The following IPO11 variants were observed in gnomAD, a reference collection of about 807,000 sequenced individuals.
The protein encoded by IPO11 is importin 11, also known as importin-11.
IPO11 carries 66 observed loss-of-function variants against 143.2 expected under a neutral mutation model. The observed-to-expected ratio is 0.46, with a 90% CI of 0.38 to 0.57. The LOEUF (loss-of-function observed/expected upper bound fraction) is 0.57, where lower values mean the gene tolerates loss of function less well. IPO11 is among the 20% of genes least tolerant of loss of function. The pLI is 0.00. For synonymous variants in IPO11, 385 were observed against 377.8 expected (o/e 1.02, Z -0.22); for missense variants, 1,026 against 1,141.0 (o/e 0.90, Z 1.45).
At chr5:62,573,152 G>A (rs571796508) in intron 27 of IPO11, among the ~76,000 whole-genome samples, 7 of 152,026 alleles carry the variant, frequency 4.6e-5, no homozygotes, top group Non-Finnish European at 1.0e-4. Context: ...CTTGTAGCTG[G>A]GACTACAGGT....
At chr5:62,481,400 C>T (rs935257228) in intron 9 of IPO11, among the ~76,000 whole-genome samples, 1 of 152,122 alleles carries the variant, frequency 6.6e-6, no homozygotes, top group African/African-American at 2.4e-5. Flanking sequence ...GTGAGTTTGT[C>T]ATAAATAGCA....
chr5:62,607,853 GTGCTATCTCAGCTCACTGCAACC>G (rs1276107040), intron 29 of IPO11, among the ~76,000 whole-genome samples: 45 of 151,148 alleles, frequency 3.0e-4, no homozygotes, highest in African/African-American at 1.0e-3. Flanking sequence ...GAGTGCAGTG[GTGCTATCTCAGCTCACTGCAACC>G]TGCTATCTCA....
intron 27 of IPO11, among the ~76,000 whole-genome samples, chr5:62,582,909 TGA>T (rs907004713): frequency 3.6e-4 from 55 of 152,308 alleles, no homozygotes; most frequent in Non-Finnish European, 6.8e-4. Flanking sequence ...TTAATATATT[TGA>T]GAGAAAATCA....
At chr5:62,570,523 T>C (rs1396891536) in intron 27 of IPO11, among the ~76,000 whole-genome samples, 1 of 152,216 alleles carries the variant, frequency 6.6e-6, no homozygotes, top group African/African-American at 2.4e-5. Context: ...AAAGATGCTA[T>C]TATGTGGTAG....
chr5:62,582,855 G>A (rs1744619902), intron 27 of IPO11, among the ~76,000 whole-genome samples: 1 of 152,146 alleles, frequency 6.6e-6, no homozygotes, highest in Admixed American at 6.6e-5. Context: ...TTGTTGGTTA[G>A]TTAATAGTGA....
intron 1 of IPO11, among the ~76,000 whole-genome samples, chr5:62,426,931 GTTTTTT>G (rs763031944): frequency 3.3e-5 from 3 of 90,244 alleles, no homozygotes; most frequent in East Asian, 3.4e-4. Context: ...TTTTCTTTCT[GTTTTTT>G]TTTTTTTTTT....
At chr5:62,481,339 G>A (rs1260962880) in intron 9 of IPO11, among the ~76,000 whole-genome samples, 1 of 152,110 alleles carries the variant, frequency 6.6e-6, no homozygotes, top group Non-Finnish European at 1.5e-5. Flanking sequence ...TCTTGTGCCA[G>A]TTTTCAAAGG....
At chr5:62,480,203 C>A (rs544788778) in intron 9 of IPO11, among the ~76,000 whole-genome samples, 1 of 152,172 alleles carries the variant, frequency 6.6e-6, no homozygotes, top group Non-Finnish European at 1.5e-5. Flanking sequence ...GGAATCCTTT[C>A]GCCATTTCTT....
At chr5:62,506,670 C>G (rs561301150) in intron 19 of IPO11, among the ~76,000 whole-genome samples, 7 of 152,236 alleles carry the variant, frequency 4.6e-5, no homozygotes, top group Non-Finnish European at 8.8e-5. Context: ...AAGTGTCCAT[C>G]AGCAAGACTT....
At chr5:62,530,628 A>G in intron 21 of IPO11, 81 bp from the exon 22 acceptor site, 1 of 780,470 alleles carries the variant, frequency 1.3e-6, no homozygotes, top group Non-Finnish European at 2.2e-6. Context: ...TTTAAATGAG[A>G]CCTTTTAAAA....
chr5:62,534,940 A>G (rs1226817295), intron 22 of IPO11, among the ~76,000 whole-genome samples: 1 of 151,986 alleles, frequency 6.6e-6, no homozygotes, highest in African/African-American at 2.4e-5. Context: ...CTCACTAGGA[A>G]CTTGTGGATG....
intron 27 of IPO11, among the ~76,000 whole-genome samples, chr5:62,583,165 T>G (rs192676386): frequency 1.8e-4 from 28 of 152,304 alleles, no homozygotes; most frequent in Admixed American, 1.4e-3. Flanking sequence ...AATAATGTAT[T>G]TTTTTCTTTG....
intron 1 of IPO11, among the ~76,000 whole-genome samples, chr5:62,416,715 C>CTTTTTTTTTTTTTT (rs11295932): frequency 1.4e-5 from 2 of 144,138 alleles, no homozygotes; most frequent in Non-Finnish European, 1.5e-5. Context: ...CTCTTATTAT[C>CTTTTTTTTTTTTTT]TTTTTTTTTT....
At chr5:62,493,883 T>TA (rs1023282112) in intron 15 of IPO11, 115 bp from the exon 16 acceptor site, 4 of 976,384 alleles carry the variant, frequency 4.1e-6, no homozygotes, top group African/African-American at 1.7e-5. Context: ...GCTTTTATAT[T>TA]AAAAATGCAG....
chr5:62,430,148 G>T (rs1234482577), intron 1 of IPO11, among the ~76,000 whole-genome samples: 1 of 152,126 alleles, frequency 6.6e-6, no homozygotes, highest in Non-Finnish European at 1.5e-5. Flanking sequence ...GTGAATATCT[G>T]TATACGAGTT....
At chr5:62,576,142 G>A (rs1447451707) in intron 27 of IPO11, 2 of 155,646 alleles carry the variant, frequency 1.3e-5, no homozygotes, top group Non-Finnish European at 2.9e-5. Context: ...CACATTTATT[G>A]CCCAAATAGA....
chr5:62,601,026 A>G (rs1745487900), intron 28 of IPO11, among the ~76,000 whole-genome samples: 1 of 152,256 alleles, frequency 6.6e-6, no homozygotes, highest in East Asian at 1.9e-4. Context: ...GAGAACCCAA[A>G]CTTTCTTTGC....
chr5:62,488,181 C>T (rs1420073702), intron 13 of IPO11, among the ~76,000 whole-genome samples: 1 of 152,186 alleles, frequency 6.6e-6, no homozygotes, highest in African/African-American at 2.4e-5. Flanking sequence ...TAGTGTTAGC[C>T]TCTCTTAGAA....
chr5:62,459,095 C>CT (rs1331227697), intron 5 of IPO11, among the ~76,000 whole-genome samples: 30 of 148,072 alleles, frequency 2.0e-4, no homozygotes, highest in Middle Eastern at 3.5e-3. Context: ...TAGTTTTACT[C>CT]TTTTTTTTTT....
Sources: allele counts gnomAD v4.1 joint callset (sites outside exome capture counted in the v4.1 genomes callset), GRCh38; gene constraint gnomAD v4.1.1; transcripts MANE v1.5; gene names NCBI Gene and HGNC (gene_info 2026-07-23, HGNC 2026-07-21).